The following NRXN3 variants were observed in gnomAD, a reference collection of about 807,000 sequenced individuals.
NRXN3 encodes neurexin 3.
NRXN3 carries 32 observed loss-of-function variants against 137.6 expected under a neutral mutation model. The ratio of observed to expected loss-of-function variants is 0.23; its 90% CI spans 0.18 to 0.31. NRXN3 has a LOEUF of 0.31. Ranked by LOEUF, NRXN3 falls within the 10% of genes least tolerant of loss-of-function variation. NRXN3 has a pLI of 1.00. For missense variants in NRXN3, 1,574 were observed against 2,062.5 expected (o/e 0.76, Z 4.59); for synonymous variants, 798 against 784.5 (o/e 1.02, Z -0.29).
At chr14:79,426,503 T>C (rs867647393) in intron 15 of NRXN3, among the ~76,000 whole-genome samples, 70 of 152,352 alleles carry the variant, frequency 4.6e-4, no homozygotes, top group African/African-American at 1.5e-3. Context: ...TGATAGAATG[T>C]GCAGGAGATT....
intron 19 of NRXN3, among the ~76,000 whole-genome samples, chr14:79,707,985 TAATTAA>T (rs1173388812): frequency 3.9e-5 from 6 of 152,178 alleles, no homozygotes; most frequent in African/African-American, 1.4e-4. Context: ...ATCTTTGATA[TAATTAA>T]AATCATAATA....
intron 2 of NRXN3, among the ~76,000 whole-genome samples, chr14:78,274,384 A>T (rs1195701961): frequency 6.6e-6 from 1 of 152,162 alleles, no homozygotes; most frequent in African/African-American, 2.4e-5. Flanking sequence ...CAAAAGGGGG[A>T]AAAGCCCCTT....
intron 15 of NRXN3, among the ~76,000 whole-genome samples, chr14:79,189,178 A>C (rs1456090757): frequency 6.6e-6 from 1 of 151,988 alleles, no homozygotes; most frequent in Admixed American, 6.6e-5. Context: ...AAAATGTGGC[A>C]CATATACACC....
At chr14:79,124,435 T>C (rs953628371) in intron 15 of NRXN3, among the ~76,000 whole-genome samples, 1 of 152,160 alleles carries the variant, frequency 6.6e-6, no homozygotes, top group Non-Finnish European at 1.5e-5. Context: ...CTCTGACAGA[T>C]GGAAATTGGT....
intron 4 of NRXN3, among the ~76,000 whole-genome samples, chr14:78,341,202 C>A (rs2082112502): frequency 6.6e-6 from 1 of 152,138 alleles, no homozygotes; most frequent in African/African-American, 2.4e-5. Context: ...GAATTGGTCC[C>A]CAGAATTTGT....
chr14:78,459,046 T>G (rs2094840120), intron 4 of NRXN3, among the ~76,000 whole-genome samples: 1 of 152,232 alleles, frequency 6.6e-6, no homozygotes, highest in South Asian at 2.1e-4. Flanking sequence ...AGTAATCTTT[T>G]CCTTCTTGTG....
rs533712621 is a variant in NRXN3 at position 78,590,226 on chromosome 14, A to G, written c.758-54894A>G. On this transcript the variant is annotated intron_variant, in intron 4 of 20. Coordinates refer to ENST00000335750, the MANE Select transcript of NRXN3 (RefSeq NM_001330195.2). ...TTCATGCAGGTTGGACAGTTCCATC[A>G]TGGTCTGCTCCCAAGCATGGGGCCT... is the stretch of plus-strand genomic sequence containing the variant. 1.1e-4 allele frequency among the ~76,000 whole-genome samples: 16 copies of G among 152,294 alleles called. No individual in the cohort carries two copies. The South Asian group carries it at 1.7e-3, about 16-fold the overall frequency.
rs531365509 is a variant in NRXN3, at chr14:78,594,051, C to T, written c.758-51069C>T. Among the ~76,000 whole-genome samples the T allele has an allele frequency of 1.3e-4, 20 of 152,270 alleles. 1 individual carries two copies. Among genetic ancestry groups the T allele is most frequent in the African/African-American group, 4.6e-4 (19 of 41,554 alleles). On this transcript the variant is annotated intron_variant, in intron 4 of 20. Transcript: ENST00000335750. ...CCCCACCCAGAGCATGCCCTCGGCA[C>T]GCAACAAGCGGCATGTTCCAGGTTG...
At chr14:79,739,648 C>CAAAAAAAA (rs72347811) in intron 19 of NRXN3, among the ~76,000 whole-genome samples, 1,993 of 31,814 alleles carry the variant, frequency 0.063, 356 homozygotes, top group Non-Finnish European at 0.079. Flanking sequence ...GACTCTGCCT[C>CAAAAAAAA]AAAAAAAAAA....
intron 4 of NRXN3, among the ~76,000 whole-genome samples, chr14:78,424,126 A>G (rs962845360): frequency 2.6e-5 from 4 of 152,126 alleles, no homozygotes; most frequent in East Asian, 3.9e-4. Flanking sequence ...GGAGGTCTCT[A>G]TTTGTGTTGA....
chr14:79,850,730 C>T (rs1437781847), intron 20 of NRXN3, among the ~76,000 whole-genome samples: 1 of 151,918 alleles, frequency 6.6e-6, no homozygotes, highest in Admixed American at 6.6e-5. Context: ...TAATAAAAAC[C>T]TAGTGTAGAT....
chr14:79,711,497 A>G (rs1214822422), intron 19 of NRXN3, among the ~76,000 whole-genome samples: 3 of 151,572 alleles, frequency 2.0e-5, no homozygotes, highest in Non-Finnish European at 2.9e-5. Context: ...TTATATATTT[A>G]TTTATAGAGA....
At chr14:79,433,972 G>T (rs771273937) in intron 15 of NRXN3, among the ~76,000 whole-genome samples, 15 of 152,128 alleles carry the variant, frequency 9.9e-5, no homozygotes, top group Non-Finnish European at 1.5e-4. Context: ...CAGAAGCTTT[G>T]TCCTCACCTT....
chr14:79,379,337 A>T (rs114913664), intron 15 of NRXN3, among the ~76,000 whole-genome samples: 1 of 152,128 alleles, frequency 6.6e-6, no homozygotes, highest in African/African-American at 2.4e-5. Flanking sequence ...TCCTGCTAGG[A>T]TGTGCAGAAA....
At chr14:78,831,534 C>CAAAAAAAAAAAAAAAA (rs372852083) in intron 10 of NRXN3, among the ~76,000 whole-genome samples, 2 of 58,200 alleles carry the variant, frequency 3.4e-5, no homozygotes, top group African/African-American at 8.6e-5. Context: ...GACTCCATGT[C>CAAAAAAAAAAAAAAAA]AAAAAAAAAA....
rs143392217 is a variant in NRXN3, at chr14:79,608,548, G to T, written c.3445-55230G>T. ...TTCACTGTGTCACCATTTTTAGTAG[G>T]GATAAGCAGAGACTTGTTGTTGGTA... is the stretch of plus-strand genomic sequence containing the variant. On this transcript the variant is annotated intron_variant, in intron 16 of 20. Coordinates refer to ENST00000335750, the MANE Select transcript of NRXN3 (RefSeq NM_001330195.2). Among the ~76,000 whole-genome samples the T allele has an allele frequency of 3.5e-3, 535 of 152,226 alleles. 1 individual carries two copies. The highest frequency in any genetic ancestry group is 0.012 in the African/African-American group (519 of 41,532).
At position 79,726,266 on chromosome 14, in the gene NRXN3, G is replaced by A. The variant is rs182777891; in HGVS notation, c.4014+28329G>A. Among the ~76,000 whole-genome samples the A allele has an allele frequency of 2.3e-3, 343 of 152,244 alleles. 1 individual carries two copies. Among genetic ancestry groups the A allele is most frequent in the African/African-American group, 7.6e-3 (317 of 41,550 alleles). ...GATTTGCTTTAAAATGTTTCTCTCC[G>A]ATTTAGTTGCTGCACCTGGGTAATA... On this transcript the variant is annotated intron_variant, in intron 19 of 20. Coordinates refer to ENST00000335750, the MANE Select transcript of NRXN3 (RefSeq NM_001330195.2).
intron 4 of NRXN3, among the ~76,000 whole-genome samples, chr14:78,382,788 A>G (rs990620354): frequency 6.6e-6 from 1 of 152,126 alleles, no homozygotes; most frequent in African/African-American, 2.4e-5. Context: ...AGGATTCTAA[A>G]GTAACAGTAC....
At chr14:78,778,156 A>C (rs2098750838) in intron 8 of NRXN3, among the ~76,000 whole-genome samples, 1 of 152,364 alleles carries the variant, frequency 6.6e-6, no homozygotes, top group East Asian at 1.9e-4. Context: ...TTAAGATGTC[A>C]TGTTCTCTGA....
Sources: allele counts gnomAD v4.1 joint callset (sites outside exome capture counted in the v4.1 genomes callset), GRCh38; gene constraint gnomAD v4.1.1; transcripts MANE v1.5; gene names NCBI Gene and HGNC (gene_info 2026-07-23, HGNC 2026-07-21).